Variants in ATE1 observed in about 807,000 individuals in gnomAD.
ATE1 encodes arginyltransferase 1, also known as arginyl-tRNA--protein transferase 1.
In ATE1, 36 loss-of-function variants were observed where a neutral mutation model predicts 70.5. That is an observed-to-expected ratio of 0.51 (90% CI 0.39 to 0.67). The LOEUF (loss-of-function observed/expected upper bound fraction) is 0.67, where lower values mean the gene tolerates loss of function less well. ATE1 is among the 30% of genes least tolerant of loss of function. The probability of loss-of-function intolerance (pLI) is 0.00; values close to 1 mark genes in which losing one functional copy is unlikely to be tolerated. For missense variants in ATE1, 593 were observed against 629.5 expected (o/e 0.94, Z 0.62); for synonymous variants, 232 against 219.3 (o/e 1.06, Z -0.51).
intron 8 of ATE1, among the ~76,000 whole-genome samples, chr10:121,848,281 T>C (rs914458363): frequency 9.1e-6 from 1 of 109,412 alleles, no homozygotes; most frequent in Non-Finnish European, 1.9e-5. Context: ...AAATCTAATG[T>C]GCGTTCATTC....
In ATE1 at chr10:121,809,962, A is replaced by G. The variant is rs531056550; in HGVS notation, c.1258-19673T>C. Among the ~76,000 whole-genome samples, 4 of 152,108 alleles carry G rather than the reference A, an allele frequency of 2.6e-5. No individual in the cohort carries two copies. In the South Asian group the frequency reaches 8.3e-4, roughly 32 times the overall value. Reference sequence around the variant, plus strand: ...CAACAGTGAAATGCCAAGAAAGATCAACACTGAACATCTCCACTCTGCCCA... The same window carrying G: ...CAACAGTGAAATGCCAAGAAAGATCGACACTGAACATCTCCACTCTGCCCA... On this transcript the variant is annotated intron_variant, in intron 10 of 11. Coordinates refer to ENST00000224652, the MANE Select transcript of ATE1 (RefSeq NM_001001976.3).
intron 10 of ATE1, among the ~76,000 whole-genome samples, chr10:121,802,948 A>G (rs1459487082): frequency 1.3e-5 from 2 of 152,230 alleles, no homozygotes; most frequent in East Asian, 3.8e-4. Context: ...GATAAATGCT[A>G]TGAAGAAAAA....
At position 121,740,443 on chromosome 10, in the gene ATE1, A is replaced by AT. The variant is rs1258237963; in HGVS notation, c.*3236dup. 1 of 152,070 alleles carries AT rather than the reference A, an allele frequency of 6.6e-6. No individual in the cohort carries two copies. Among genetic ancestry groups the AT allele is most frequent in the Admixed American group, 6.6e-5 (1 of 15,266 alleles). 9.4% of individuals were successfully genotyped at this position (152,070 alleles called of 1,614,324 possible). A position where few individuals can be genotyped will look rare whatever the true frequency, so the allele number is the denominator to read the frequency against. On this transcript the variant is annotated 3_prime_UTR_variant, in exon 12 of 12. Transcript: ENST00000224652. ...AGCCACTGCAGATAGAAACAGCTTT[A>AT]TTTTTTCCATTCAGGCTTTATCAAA...
chr10:121,867,474 A>G (rs781184319), intron 8 of ATE1, among the ~76,000 whole-genome samples: 1 of 152,092 alleles, frequency 6.6e-6, no homozygotes, highest in Non-Finnish European at 1.5e-5. Flanking sequence ...TACATTATCA[A>G]CATTATCTCA....
chr10:121,824,182 C>G (rs1002225605), intron 10 of ATE1, among the ~76,000 whole-genome samples: 7 of 152,186 alleles, frequency 4.6e-5, no homozygotes, highest in African/African-American at 1.7e-4. Flanking sequence ...CTGACTACGT[C>G]TAATTCACAG....
At chr10:121,801,211 A>C (rs1189134409) in intron 10 of ATE1, among the ~76,000 whole-genome samples, 1 of 152,184 alleles carries the variant, frequency 6.6e-6, no homozygotes, top group Non-Finnish European at 1.5e-5. Context: ...TTCCACTGAC[A>C]AACAGAAAGT....
At chr10:121,919,003 C>G (rs192863408) in intron 3 of ATE1, among the ~76,000 whole-genome samples, 128 of 152,052 alleles carry the variant, frequency 8.4e-4, no homozygotes, top group Non-Finnish European at 1.4e-3. Context: ...TAAAATGGAC[C>G]AATCAGCACT....
chr10:121,751,468 G>A (rs1293688561), intron 11 of ATE1, among the ~76,000 whole-genome samples: 1 of 152,170 alleles, frequency 6.6e-6, no homozygotes, highest in African/African-American at 2.4e-5. Flanking sequence ...ACATCCTCAT[G>A]AGCACTGCTA....
At chr10:121,836,594 G>A (rs1948441649) in intron 10 of ATE1, 124 bp downstream of exon 10, 1 of 574,476 alleles carries the variant, frequency 1.7e-6, no homozygotes, top group East Asian at 3.2e-5. Context: ...AGGCAGCAAA[G>A]AGATTTCCTA....
Position 121,902,339 on chromosome 10 carries a change from C to T in ATE1, c.813+52G>A, listed in dbSNP as rs939806592. 4.5e-5 allele frequency: 68 copies of T among 1,500,236 alleles called. No homozygotes were observed. In the East Asian group the frequency reaches 1.4e-3, roughly 32 times the overall value. The allele number at this position is 1,500,236 out of a possible 1,614,324, so 92.9% of individuals were successfully genotyped here. A position where few individuals can be genotyped will look rare whatever the true frequency, so the allele number is the denominator to read the frequency against. ...CTTCAAATAAAAATAAACGATATGC[C>T]CAAACAAAAAAAAATCATAATAAAA... On this transcript the variant is annotated intron_variant, in intron 6 of 11. Coordinates refer to ENST00000224652, the MANE Select transcript of ATE1 (RefSeq NM_001001976.3).
At chr10:121,884,831 G>A (rs1950332252) in intron 7 of ATE1, among the ~76,000 whole-genome samples, 1 of 152,128 alleles carries the variant, frequency 6.6e-6, no homozygotes, top group Non-Finnish European at 1.5e-5. Context: ...TCTTGTCACG[G>A]ACCTTGACAC....
At chr10:121,891,192 G>A (rs1046823541) in intron 7 of ATE1, among the ~76,000 whole-genome samples, 1 of 152,124 alleles carries the variant, frequency 6.6e-6, no homozygotes, top group African/African-American at 2.4e-5. Flanking sequence ...TTTGTACAGA[G>A]GACTGAAGAG....
chr10:121,882,221 G>A (rs2134121405), intron 7 of ATE1, among the ~76,000 whole-genome samples: 1 of 152,266 alleles, frequency 6.6e-6, no homozygotes, highest in African/African-American at 2.4e-5. Flanking sequence ...TGAATAGGCT[G>A]ATTTTAATAT....
chr10:121,815,827 T>C (rs1044323740), intron 10 of ATE1, among the ~76,000 whole-genome samples: 2 of 152,306 alleles, frequency 1.3e-5, no homozygotes, highest in Non-Finnish European at 1.5e-5. Flanking sequence ...TCAGCATTAG[T>C]GACATTCTGG....
intron 7 of ATE1, among the ~76,000 whole-genome samples, chr10:121,886,699 T>A (rs565350531): frequency 3.2e-4 from 49 of 152,356 alleles, no homozygotes; most frequent in African/African-American, 1.2e-3. Flanking sequence ...TGGTGATGTT[T>A]TGTGACCAGA....
In ATE1 at chr10:121,902,542, A is replaced by G. The variant is rs1564946005; in HGVS notation, c.662T>C (p.Met221Thr). ...AAGTTCTCCAGCTGGGTTCTGCTGC[A>G]TTAGTTTTAACCTTTTCCTTTCTTT... ...IRKERKRLKLMQQNPAGELEG... is the reference protein window; with the variant it reads ...IRKERKRLKLTQQNPAGELEG... The change falls in exon 6 of 12, where the codon ATG becomes ACG. Residue 221 changes from methionine to threonine, a missense_variant. By Grantham distance (81) the Met-to-Thr change is moderately conservative. Coordinates refer to ENST00000224652, the MANE Select transcript of ATE1 (RefSeq NM_001001976.3). 3 of 1,614,192 alleles carry G rather than the reference A, an allele frequency of 1.9e-6. No homozygotes were observed. Among genetic ancestry groups the G allele is most frequent in the Non-Finnish European group, 2.5e-6 (3 of 1,180,036 alleles).
At chr10:121,771,123 G>A (rs949668408) in intron 11 of ATE1, among the ~76,000 whole-genome samples, 18 of 152,094 alleles carry the variant, frequency 1.2e-4, no homozygotes, top group African/African-American at 4.3e-4. Flanking sequence ...CCAGGCTGGA[G>A]TGCAGTGGCG....
intron 5 of ATE1, among the ~76,000 whole-genome samples, chr10:121,907,641 C>G (rs1369721600): frequency 2.0e-5 from 3 of 151,568 alleles, no homozygotes; most frequent in African/African-American, 7.3e-5. Flanking sequence ...TGGTGGTGGG[C>G]GCCTGTAGTC....
At chr10:121,844,344 G>C (rs1406625035) in intron 8 of ATE1, among the ~76,000 whole-genome samples, 1 of 152,198 alleles carries the variant, frequency 6.6e-6, no homozygotes, top group Non-Finnish European at 1.5e-5. Flanking sequence ...CATATGAAAA[G>C]ATGCTCAATA....
Sources: allele counts gnomAD v4.1 joint callset (sites outside exome capture counted in the v4.1 genomes callset), GRCh38; gene constraint gnomAD v4.1.1; transcripts MANE v1.5; gene names NCBI Gene and HGNC (gene_info 2026-07-23, HGNC 2026-07-21).